Variants in PPP2R2B observed in about 807,000 individuals in gnomAD.
PPP2R2B encodes the protein serine/threonine-protein phosphatase 2A 55 kDa regulatory subunit B beta isoform.
PPP2R2B carries 5 observed loss-of-function variants against 46.0 expected under a neutral mutation model. The observed-to-expected ratio is 0.11, with a 90% confidence interval of 0.06 to 0.23. PPP2R2B has a LOEUF of 0.23. Ranked by LOEUF, PPP2R2B falls within the 10% of genes least tolerant of loss-of-function variation. PPP2R2B has a pLI of 1.00. For synonymous variants in PPP2R2B, 215 were observed against 206.7 expected (o/e 1.04, Z -0.34); for missense variants, 367 against 575.0 (o/e 0.64, Z 3.70).
rs550950941 is a variant in PPP2R2B, at chr5:146,661,200, T to C, written c.448-10476A>G. The stretch of plus-strand genomic sequence containing the variant: ...GTTACTGGCATCCGTGTGCAGGAGC[T>C]AGGGAGGTAGCTAAACTCATTTTGA... On this transcript the variant is annotated intron_variant, in intron 5 of 9. Coordinates refer to ENST00000394411, the MANE Select transcript of PPP2R2B (RefSeq NM_181675.4). Among the ~76,000 whole-genome samples, 5 of 152,302 alleles carry C rather than the reference T, an allele frequency of 3.3e-5. No individual in the cohort carries two copies. The South Asian group carries it at 6.2e-4, about 19-fold the overall frequency.
intron 5 of PPP2R2B, among the ~76,000 whole-genome samples, chr5:146,686,220 G>A (rs1778492289): frequency 1.3e-5 from 2 of 152,190 alleles, no homozygotes; most frequent in Non-Finnish European, 2.9e-5. Flanking sequence ...GGAGTTGCAG[G>A]AGAGAACAAA....
intron 5 of PPP2R2B, among the ~76,000 whole-genome samples, chr5:146,674,662 G>A (rs970054046): frequency 1.3e-5 from 2 of 152,132 alleles, no homozygotes; most frequent in African/African-American, 2.4e-5. Context: ...GGAATAAAAT[G>A]TCTCCTCCAT....
chr5:146,912,359 A>T (rs1472913047), intron 1 of PPP2R2B, among the ~76,000 whole-genome samples: 1 of 152,046 alleles, frequency 6.6e-6, no homozygotes, highest in African/African-American at 2.4e-5. Flanking sequence ...CTGAGGTAAC[A>T]TCTGAAGAAT....
chr5:147,066,981 G>A (rs1255157646), intron 2 of PPP2R2B, among the ~76,000 whole-genome samples: 1 of 152,100 alleles, frequency 6.6e-6, no homozygotes, highest in East Asian at 1.9e-4. Flanking sequence ...TCACCACCTA[G>A]GTTAAAGAAA....
At chr5:146,777,684 T>C (rs1161631409) in intron 2 of PPP2R2B, among the ~76,000 whole-genome samples, 1 of 152,200 alleles carries the variant, frequency 6.6e-6, no homozygotes, top group East Asian at 1.9e-4. Flanking sequence ...TCATTGTTGG[T>C]ATTTGTAATG....
At chr5:146,801,686 C>T (rs1312305192) in intron 2 of PPP2R2B, among the ~76,000 whole-genome samples, 2 of 152,076 alleles carry the variant, frequency 1.3e-5, no homozygotes, top group Admixed American at 1.3e-4. Flanking sequence ...ATTCACTCAC[C>T]CATAAAATGG....
intron 1 of PPP2R2B, among the ~76,000 whole-genome samples, chr5:147,017,903 G>T (rs942445160): frequency 6.6e-6 from 1 of 152,046 alleles, no homozygotes; most frequent in Non-Finnish European, 1.5e-5. Context: ...AAGCTGGAAA[G>T]GTAAAGCAAT....
intron 1 of PPP2R2B, among the ~76,000 whole-genome samples, chr5:146,989,724 A>G (rs2151860898): frequency 6.6e-6 from 1 of 152,238 alleles, no homozygotes; most frequent in East Asian, 1.9e-4. Context: ...TTTATTTGAC[A>G]TAGTACTGAA....
intron 2 of PPP2R2B, among the ~76,000 whole-genome samples, chr5:146,823,446 C>T (rs1209649943): frequency 6.6e-6 from 1 of 151,968 alleles, no homozygotes; most frequent in African/African-American, 2.4e-5. Context: ...ATCTGCCCTC[C>T]TCGGCCTCTC....
chr5:146,983,714 A>G (rs1346686745), intron 1 of PPP2R2B, among the ~76,000 whole-genome samples: 1 of 152,118 alleles, frequency 6.6e-6, no homozygotes, highest in East Asian at 1.9e-4. Context: ...TTCAATTGTT[A>G]AATATAATTT....
chr5:146,888,800 A>C (rs1762406304), intron 1 of PPP2R2B, among the ~76,000 whole-genome samples: 1 of 152,162 alleles, frequency 6.6e-6, no homozygotes, highest in African/African-American at 2.4e-5. Context: ...AGACCTTTGC[A>C]TCTTATGTTC....
chr5:146,994,652 A>G (rs935011822), intron 1 of PPP2R2B, among the ~76,000 whole-genome samples: 3 of 152,082 alleles, frequency 2.0e-5, no homozygotes, highest in African/African-American at 7.2e-5. Context: ...CAGGAGTGTT[A>G]ATTCCCTGGG....
intron 5 of PPP2R2B, among the ~76,000 whole-genome samples, chr5:146,651,105 T>C (rs772015490): frequency 6.6e-6 from 1 of 152,138 alleles, no homozygotes; most frequent in Non-Finnish European, 1.5e-5. Context: ...TGTGGGAAAA[T>C]TTTAGAAATG....
chr5:146,769,802 T>C (rs1754726788), intron 2 of PPP2R2B, among the ~76,000 whole-genome samples: 2 of 152,120 alleles, frequency 1.3e-5, no homozygotes, highest in Non-Finnish European at 2.9e-5. Flanking sequence ...ACAAGTGAGA[T>C]AAAAACAGGT....
At chr5:146,926,156 TTTTTC>T (rs1358308837) in intron 1 of PPP2R2B, among the ~76,000 whole-genome samples, 3 of 152,114 alleles carry the variant, frequency 2.0e-5, no homozygotes, top group African/African-American at 7.2e-5. Flanking sequence ...CTATTAACTG[TTTTTC>T]TTTTCTTGAG....
chr5:146,906,700 T>C (rs1016633806), intron 1 of PPP2R2B, among the ~76,000 whole-genome samples: 3 of 152,224 alleles, frequency 2.0e-5, no homozygotes, highest in Admixed American at 6.5e-5. Context: ...TCTCAATATA[T>C]GTATCTTTCT....
chr5:147,054,899 G>T (rs1248231060), intron 1 of PPP2R2B, among the ~76,000 whole-genome samples: 2 of 152,114 alleles, frequency 1.3e-5, no homozygotes, highest in Non-Finnish European at 2.9e-5. Context: ...ACATATAGAA[G>T]GTATACAACC....
chr5:147,037,445 G>A (rs560359992), intron 1 of PPP2R2B, among the ~76,000 whole-genome samples: 2 of 151,634 alleles, frequency 1.3e-5, no homozygotes, highest in South Asian at 4.2e-4. Context: ...TGTATATATA[G>A]GTATGTAATT....
chr5:147,058,191 T>C (rs577164369), upstream of PPP2R2B, among the ~76,000 whole-genome samples: 79 of 152,204 alleles, frequency 5.2e-4, 1 homozygote, highest in South Asian at 8.1e-3. Flanking sequence ...TCAATATATA[T>C]GGGTAAAGCT....
Sources: gnomAD v4.1 joint callset for allele counts (sites outside exome capture counted in the v4.1 genomes callset) on GRCh38, gnomAD v4.1.1 for gene constraint, MANE v1.5 for transcripts, NCBI Gene and HGNC (gene_info 2026-07-23, HGNC 2026-07-21) for gene names.